DNAAF11: variants seen among roughly 807,000 people sequenced by gnomAD.
DNAAF11 encodes the protein dynein axonemal assembly factor 11.
In DNAAF11, 45 loss-of-function variants were observed where a neutral mutation model predicts 60.8. The observed-to-expected ratio is 0.74, with a 90% confidence interval of 0.58 to 0.95. The LOEUF (loss-of-function observed/expected upper bound fraction) is 0.95, where lower values mean the gene tolerates loss of function less well. Ranked by LOEUF, DNAAF11 falls within the 40% of genes least tolerant of loss-of-function variation. The pLI is 0.00. For synonymous variants in DNAAF11, 191 were observed against 183.5 expected (o/e 1.04, Z -0.33); for missense variants, 546 against 546.2 (o/e 1.00, Z 0.00).
intron 11 of DNAAF11, among the ~76,000 whole-genome samples, chr8:132,580,638 T>A (rs1815226880): frequency 6.6e-6 from 1 of 152,170 alleles, no homozygotes; most frequent in South Asian, 2.1e-4. Context: ...CATCAAAATA[T>A]CATACACCTA....
At chr8:132,679,811 T>G (rs569464470), upstream of DNAAF11, among the ~76,000 whole-genome samples, 1 of 152,338 alleles carries the variant, frequency 6.6e-6, no homozygotes, top group East Asian at 1.9e-4. Flanking sequence ...GACTTGCTCT[T>G]CCTTGCCTTC....
intron 1 of DNAAF11, among the ~76,000 whole-genome samples, chr8:132,664,910 A>G (rs948331822): frequency 2.0e-5 from 3 of 152,198 alleles, no homozygotes; most frequent in African/African-American, 7.2e-5. Flanking sequence ...GATGAGAAAA[A>G]TCCCTATTAA....
chr8:132,687,031 C>A, the DNAAF11 span, among the ~76,000 whole-genome samples: 1 of 152,250 alleles, frequency 6.6e-6, no homozygotes, highest in East Asian at 1.9e-4. Flanking sequence ...CAGCACCATG[C>A]ACAGTGCCTC....
At chr8:132,573,659 G>C (rs1814447607) in intron 11 of DNAAF11, among the ~76,000 whole-genome samples, 1 of 152,098 alleles carries the variant, frequency 6.6e-6, no homozygotes, top group Admixed American at 6.5e-5. Flanking sequence ...AAATTCAGGA[G>C]CTCTAAACTG....
At chr8:132,599,572 C>T (rs1273769795) in intron 10 of DNAAF11, among the ~76,000 whole-genome samples, 6 of 152,084 alleles carry the variant, frequency 3.9e-5, no homozygotes, top group Non-Finnish European at 7.4e-5. Flanking sequence ...AAAGCTTATC[C>T]ACCATGATCA....
chr8:132,677,776 G>T (rs1825811198), upstream of DNAAF11, among the ~76,000 whole-genome samples: 1 of 152,230 alleles, frequency 6.6e-6, no homozygotes, highest in East Asian at 1.9e-4. Flanking sequence ...GGTGCCTGAT[G>T]AGAGCCTGGT....
chr8:132,628,088 CCCTTCTA>C (rs1242237836), intron 5 of DNAAF11, among the ~76,000 whole-genome samples: 1 of 152,126 alleles, frequency 6.6e-6, no homozygotes, highest in Non-Finnish European at 1.5e-5. Flanking sequence ...CAAACCCAGC[CCCTTCTA>C]CCATGTCTAC....
rs192238888 is a variant in DNAAF11, at chr8:132,588,751, T to A, written c.1141-4972A>T. ...AATTTATAAATAAAAGAGGTTTAAT[T>A]GACTCATGGCTCTGCAGACCATGTA... On this transcript the variant is annotated intron_variant, in intron 10 of 11. Coordinates refer to ENST00000620350, the MANE Select transcript of DNAAF11 (RefSeq NM_012472.6). Among the ~76,000 whole-genome samples, 42 of 152,228 alleles carry A rather than the reference T, an allele frequency of 2.8e-4. 1 individual carries two copies. The East Asian group carries it at 7.4e-3, about 27-fold the overall frequency.
At chr8:132,666,411 C>T (rs1283723438) in intron 1 of DNAAF11, among the ~76,000 whole-genome samples, 5 of 151,836 alleles carry the variant, frequency 3.3e-5, no homozygotes, top group African/African-American at 9.7e-5. Context: ...TAAATATGTA[C>T]AATTATGTCA....
At chr8:132,633,392 TAAC>T (rs1210229022) in intron 4 of DNAAF11, among the ~76,000 whole-genome samples, 1 of 152,172 alleles carries the variant, frequency 6.6e-6, no homozygotes, top group Non-Finnish European at 1.5e-5. Flanking sequence ...GTTTCACCCT[TAAC>T]AACAAGACAA....
chr8:132,638,774 C>T (rs552591168), intron 3 of DNAAF11, among the ~76,000 whole-genome samples: 48 of 152,268 alleles, frequency 3.2e-4, no homozygotes, highest in African/African-American at 1.1e-3. Context: ...GACCCATCCA[C>T]CTTCATTACA....
intron 10 of DNAAF11, chr8:132,608,397 T>C (rs778237172): frequency 2.5e-6 from 1 of 407,874 alleles, no homozygotes; most frequent in Admixed American, 2.6e-5. Flanking sequence ...ATCAAGCACT[T>C]CTAAAATGCT....
intron 1 of DNAAF11, among the ~76,000 whole-genome samples, chr8:132,674,243 C>G (rs1825546153): frequency 6.6e-6 from 1 of 150,770 alleles, no homozygotes; most frequent in African/African-American, 2.5e-5. Flanking sequence ...AGAAAAAAAC[C>G]AACTAGGGTG....
chr8:132,625,476 C>T lies in DNAAF11; in HGVS notation c.654-22G>A, dbSNP rs755330517. ...GGAACTAGGAAAAACAAATAGAGCA[C>T]TTAAAAACAATAATGGATTCATGAG... On this transcript the variant is annotated intron_variant, in intron 5 of 11. Coordinates refer to ENST00000620350, the MANE Select transcript of DNAAF11 (RefSeq NM_012472.6). 7 of 1,563,292 alleles carry T rather than the reference C, an allele frequency of 4.5e-6. No individual in the cohort carries two copies. The East Asian group carries it at 9.0e-5, about 20-fold the overall frequency.
intron 7 of DNAAF11, 64 bp downstream of exon 7, chr8:132,622,547 A>T (rs1819861439): frequency 1.7e-6 from 2 of 1,209,498 alleles, no homozygotes; most frequent in Non-Finnish European, 2.4e-6. Context: ...AATTGAAACA[A>T]TGATTGACCA....
At chr8:132,668,507 TG>T (rs1460869804) in intron 1 of DNAAF11, among the ~76,000 whole-genome samples, 1 of 152,048 alleles carries the variant, frequency 6.6e-6, no homozygotes, top group Non-Finnish European at 1.5e-5. Context: ...GGCGCGATCT[TG>T]GCTCACTGCA....
chr8:132,660,867 T>C (rs999677466), intron 2 of DNAAF11, among the ~76,000 whole-genome samples: 1 of 152,202 alleles, frequency 6.6e-6, no homozygotes, highest in Non-Finnish European at 1.5e-5. Flanking sequence ...AGGGCAATAT[T>C]AGCAAGCCCA....
chr8:132,619,438 T>C (rs1309834604), intron 7 of DNAAF11, among the ~76,000 whole-genome samples: 1 of 145,258 alleles, frequency 6.9e-6, no homozygotes, highest in Non-Finnish European at 1.5e-5. Context: ...CCCTAAAACT[T>C]AAAGTATAAT....
intron 4 of DNAAF11, among the ~76,000 whole-genome samples, chr8:132,635,341 C>T (rs1337954329): frequency 6.6e-6 from 1 of 152,128 alleles, no homozygotes; most frequent in East Asian, 1.9e-4. Flanking sequence ...GAGAGAGGGA[C>T]ACTAAGATGT....
Sources: allele counts gnomAD v4.1 joint callset (sites outside exome capture counted in the v4.1 genomes callset), GRCh38; gene constraint gnomAD v4.1.1; transcripts MANE v1.5; gene names NCBI Gene and HGNC (gene_info 2026-07-23, HGNC 2026-07-21).